ASGR2: variants seen among roughly 807,000 people sequenced by gnomAD.
ASGR2 encodes the protein asialoglycoprotein receptor 2, also known as C-type lectin domain family 4 member H2.
A neutral mutation model predicts 32.3 loss-of-function variants in ASGR2; 34 were observed. The ratio of observed to expected loss-of-function variants is 1.05; its 90% CI spans 0.80 to 1.40. The LOEUF (loss-of-function observed/expected upper bound fraction) is 1.40. Among genes scored for constraint, ASGR2 ranks in the 40% most tolerant of loss-of-function variants. The probability of loss-of-function intolerance (pLI) is 0.00; values close to 1 mark genes in which losing one functional copy is unlikely to be tolerated. For synonymous variants in ASGR2, 143 were observed against 150.0 expected, an observed-to-expected ratio of 0.95 and a Z score of 0.34; for missense variants, 385 against 386.4, an observed-to-expected ratio of 1.00 and a Z score of 0.03.
At chr17:7,102,363 T>C (rs1345314514) in intron 7 of ASGR2, among the ~76,000 whole-genome samples, 167 bp from the exon 8 acceptor site, 1 of 152,238 alleles carries the variant, frequency 6.6e-6, no homozygotes, top group East Asian at 1.9e-4. Flanking sequence ...TCCGTCACTC[T>C]AGCTACTGTT....
intron 2 of ASGR2, among the ~76,000 whole-genome samples, chr17:7,112,947 A>G (rs1467216919): frequency 6.6e-6 from 1 of 151,886 alleles, no homozygotes; most frequent in Non-Finnish European, 1.5e-5. Flanking sequence ...TCACCTTAAA[A>G]TCTTTTCCCA....
rs1208090085 is a variant in ASGR2, at chr17:7,107,739, ACACGTGCACACTACACACAC to A, written c.409+77_409+96del. 12 of 1,338,196 alleles carry A rather than the reference ACACGTGCACACTACACACAC, an allele frequency of 9.0e-6. No homozygotes were observed. Among genetic ancestry groups the A allele is most frequent in the South Asian group, 2.5e-5 (2 of 81,548 alleles). The allele number at this position is 1,338,196 out of a possible 1,614,324, so 82.9% of individuals were successfully genotyped here. ...TGCAGGCACACACACGCACGCACGC[ACACGTGCACACTACACACAC>A]CGCACACGTACACACTACACACACC... On this transcript the variant is annotated intron_variant, in intron 5 of 8. Transcript: ENST00000691900. The surrounding 1 kb of genome is among the most constrained non-coding windows in gnomAD (Gnocchi z 5.0).
Position 7,108,534 on chromosome 17 carries a change from G to A in ASGR2, c.265C>T (p.Arg89Trp), listed in dbSNP as rs773055006. The A allele has an allele frequency of 4.4e-5, 71 of 1,608,856 alleles. No homozygotes were observed. The highest frequency in any genetic ancestry group is 5.5e-5 in the Non-Finnish European group (65 of 1,177,914). ...TTGCTGAAAGCTTCCTTCAGGCTCC[G>A]CAGCTCGGCTTGCAGCTGTGCACCT... The part of the protein sequence containing the change: ...SQSAQLQAEL[R>W]SLKEAFSNFS... The change falls in exon 4 of 9, where the codon CGG becomes TGG. Residue 89 changes from arginine to tryptophan, a missense_variant. Arg to Trp is a moderately radical substitution (Grantham distance 101, BLOSUM62 -3). Transcript: ENST00000691900. This position sits in a 1 kb window ranked among gnomAD's most constrained non-coding sequence, Gnocchi z 4.9.
In ASGR2 at chr17:7,102,091, T is replaced by C. The variant is rs1440518693; in HGVS notation, c.754A>G (p.Lys252Glu). ...VDGTDYRHNYKNWAVTQPDNW... is the reference protein window; with the variant it reads ...VDGTDYRHNYENWAVTQPDNW... The stretch of plus-strand genomic sequence containing the variant: ...GAGATGAGGGAAGAGGCCACTTACT[T>C]GTAGTTGTGCCTATAGTCTGTGCCA... Residue 252 changes from lysine to glutamate, a missense_variant and splice_region_variant, in exon 8 of 9, where the codon AAG becomes GAG. Lys to Glu is a moderately conservative substitution (Grantham distance 56). Transcript: ENST00000691900. 6.2e-7 allele frequency: 1 copy of C among 1,612,968 alleles called. No homozygotes were observed. Among genetic ancestry groups the C allele is most frequent in the Non-Finnish European group, 8.5e-7 (1 of 1,178,954 alleles).
Position 7,101,711 on chromosome 17 carries a change from C to T in ASGR2, c.785G>A (p.Trp262Ter), listed in dbSNP as rs757444810. 2 of 1,614,156 alleles carry T rather than the reference C, an allele frequency of 1.2e-6. No homozygotes were observed. Among genetic ancestry groups the T allele is most frequent in the Non-Finnish European group, 1.7e-6 (2 of 1,180,036 alleles). ...KNWAVTQPDN[W>*]HGHELGGSED... ...ACTTCCACCCAGCTCGTGCCCGTGC[C>T]AATTATCTGGCTGAGTGACAGCCCA... Residue 262 changes from tryptophan to a stop codon, truncating the protein, a stop_gained, in exon 9 of 9, where the codon TGG (tryptophan) becomes TAG (stop). Coordinates refer to ENST00000691900, the MANE Select transcript of ASGR2 (RefSeq NM_001201352.2). LOFTEE classifies it low-confidence loss of function (END_TRUNC).
Position 7,101,507 on chromosome 17 carries a change from A to T in ASGR2, c.*68T>A. 2.6e-6 allele frequency: 4 copies of T among 1,559,542 alleles called. No homozygotes were observed. The highest frequency in any genetic ancestry group is 2.6e-6 in the Non-Finnish European group (3 of 1,150,360). On this transcript the variant is annotated 3_prime_UTR_variant, in exon 9 of 9. Transcript: ENST00000691900. ...TGTCTCAGTGTTTCTTCCTTTCCTC[A>T]AAATCCTCAACAGAGAAGCCAGAGC...
intron 7 of ASGR2, among the ~76,000 whole-genome samples, chr17:7,103,843 C>T (rs1007949838): frequency 1.3e-5 from 2 of 152,098 alleles, no homozygotes; most frequent in African/African-American, 2.4e-5. Context: ...AGGTTTGTTA[C>T]ATATGTATAC....
rs1037410857 is a variant in ASGR2, at chr17:7,102,065, G to A, written c.755+25C>T. On this transcript the variant is annotated intron_variant, in intron 8 of 8. Coordinates refer to ENST00000691900, the MANE Select transcript of ASGR2 (RefSeq NM_001201352.2). ...GGCTGTCCCCAGAGAAATCTAACAAGGAGATGAGGGAAGAGGCCACTTACT... is the reference window on the plus strand; with the variant it reads ...GGCTGTCCCCAGAGAAATCTAACAAAGAGATGAGGGAAGAGGCCACTTACT... 3.1e-6 allele frequency: 5 copies of A among 1,596,348 alleles called. No individual in the cohort carries two copies. The African/African-American group carries it at 5.4e-5, about 17-fold the overall frequency.
intron 7 of ASGR2, among the ~76,000 whole-genome samples, chr17:7,102,944 A>T (rs1913071080): frequency 1.3e-5 from 2 of 152,134 alleles, no homozygotes; most frequent in South Asian, 4.1e-4. Flanking sequence ...GCCTGCAGAT[A>T]GCTCCCCGGG....
intron 7 of ASGR2, among the ~76,000 whole-genome samples, 169 bp from the exon 8 acceptor site, chr17:7,102,365 G>T (rs1191391268): frequency 6.6e-6 from 1 of 152,150 alleles, no homozygotes; most frequent in Non-Finnish European, 1.5e-5. Flanking sequence ...CGTCACTCTA[G>T]CTACTGTTCA....
Position 7,101,350 on chromosome 17 carries a change from T to C in ASGR2, c.*225A>G. ...ATTCAAGCATTTGTTTCTTCTTTCC[T>C]ACGCCATTGAAGAGGCTGACGATTA... On this transcript the variant is annotated 3_prime_UTR_variant, in exon 9 of 9. Transcript: ENST00000691900. 1.9e-6 allele frequency: 1 copy of C among 531,286 alleles called. No individual in the cohort carries two copies. The highest frequency in any genetic ancestry group is 3.3e-6 in the Non-Finnish European group (1 of 306,336). The allele number at this position is 531,286 out of a possible 1,614,324, so 32.9% of individuals were successfully genotyped here. A position where few individuals can be genotyped will look rare whatever the true frequency, so the allele number is the denominator to read the frequency against.
At chr17:7,104,971 A>G (rs59247065) in intron 7 of ASGR2, among the ~76,000 whole-genome samples, 18,743 of 149,190 alleles carry the variant, frequency 0.13, 1,595 homozygotes, top group African/African-American at 0.25. Context: ...GCAAGACTCC[A>G]TCTCAAAAAA....
At chr17:7,101,791 C>T (rs374291921) in intron 8 of ASGR2, 51 bp from the exon 9 acceptor site, 1 of 1,585,590 alleles carries the variant, frequency 6.3e-7, no homozygotes, top group Non-Finnish European at 8.6e-7. Context: ...GAGAAAGCGA[C>T]TTACCCATCC....
chr17:7,108,185 A>T lies in ASGR2; in HGVS notation c.337+277T>A, dbSNP rs1047020941. On this transcript the variant is annotated intron_variant, in intron 4 of 8. Coordinates refer to ENST00000691900, the MANE Select transcript of ASGR2 (RefSeq NM_001201352.2). This position sits in a 1 kb window ranked among gnomAD's most constrained non-coding sequence, Gnocchi z 4.9. ...CCCCACCTCTCTCTGGCCACCCCTTACCTGCCTGCCCCTCCGATGGGCCTG... is the reference window on the plus strand; with the variant it reads ...CCCCACCTCTCTCTGGCCACCCCTTTCCTGCCTGCCCCTCCGATGGGCCTG... 6.6e-6 allele frequency among the ~76,000 whole-genome samples: 1 copy of T among 151,484 alleles called. No individual in the cohort carries two copies. Among genetic ancestry groups the T allele is most frequent in the African/African-American group, 2.4e-5 (1 of 41,204 alleles).
In ASGR2 at chr17:7,113,706, ACTCT is replaced by A. The variant is rs1491090087; in HGVS notation, c.124+407_124+410del. On this transcript the variant is annotated intron_variant, in intron 2 of 8. Coordinates refer to ENST00000691900, the MANE Select transcript of ASGR2 (RefSeq NM_001201352.2). The surrounding 1 kb of genome is among the most constrained non-coding windows in gnomAD (Gnocchi z 5.1). ...CTCACACAACATACACACACAACAC[ACTCT>A]CACACACAACATACCCTCTCACATA... Among the ~76,000 whole-genome samples, 2 of 118,878 alleles carry A rather than the reference ACTCT, an allele frequency of 1.7e-5. No homozygotes were observed. Among genetic ancestry groups the A allele is most frequent in the East Asian group, 2.8e-4 (1 of 3,606 alleles). The allele number at this position is 118,878 out of a possible 152,430, so 78.0% of individuals were successfully genotyped here.
At chr17:7,102,391 G>A (rs547900379) in intron 7 of ASGR2, among the ~76,000 whole-genome samples, 195 bp from the exon 8 acceptor site, 12 of 152,244 alleles carry the variant, frequency 7.9e-5, no homozygotes, top group Admixed American at 7.2e-4. Context: ...CATTTGCTAG[G>A]CTAGACTTCG....
chr17:7,108,032 A>G lies in ASGR2; in HGVS notation c.338-125T>C. 1 of 991,540 alleles carries G rather than the reference A, an allele frequency of 1.0e-6. No homozygotes were observed. Among genetic ancestry groups the G allele is most frequent in the Non-Finnish European group, 1.5e-6 (1 of 668,184 alleles). 61.4% of individuals were successfully genotyped at this position (991,540 alleles called of 1,614,324 possible). A position where few individuals can be genotyped will look rare whatever the true frequency, so the allele number is the denominator to read the frequency against. The stretch of plus-strand genomic sequence containing the variant: ...TCCACCTCCTGGCTTCCTGGACCAC[A>G]CCCAGGCTCCCTGCACTGCCACAGT... On this transcript the variant is annotated intron_variant, in intron 4 of 8. Transcript: ENST00000691900. The surrounding 1 kb of genome is among the most constrained non-coding windows in gnomAD (Gnocchi z 4.9).
intron 2 of ASGR2, among the ~76,000 whole-genome samples, chr17:7,112,617 G>T (rs571755961): frequency 6.6e-6 from 1 of 152,280 alleles, no homozygotes; most frequent in Non-Finnish European, 1.5e-5. Flanking sequence ...CTGCCTGTGG[G>T]GACACCGCCT....
intron 2 of ASGR2, among the ~76,000 whole-genome samples, chr17:7,112,240 G>C (rs532601296): frequency 0.026 from 772 of 29,612 alleles, 3 homozygotes; most frequent in African/African-American, 0.087. Flanking sequence ...AAAGAAAAAG[G>C]GGGTAGCAGA....
Sources: allele counts gnomAD v4.1 joint callset (sites outside exome capture counted in the v4.1 genomes callset), GRCh38; gene constraint gnomAD v4.1.1; non-coding constraint Gnocchi (gnomAD v3.1); transcripts MANE v1.5; gene names NCBI Gene and HGNC (gene_info 2026-07-23, HGNC 2026-07-21).